The following CAPN3 variants were observed in gnomAD, a reference collection of about 807,000 sequenced individuals.
CAPN3 encodes the protein calpain-3.
A neutral mutation model predicts 114.0 loss-of-function variants in CAPN3; 88 were observed. That is an observed-to-expected ratio of 0.77 (90% confidence interval 0.65 to 0.92). CAPN3 has a LOEUF of 0.92. CAPN3 is among the 40% of genes least tolerant of loss of function. The probability of loss-of-function intolerance (pLI) is 0.00; values close to 1 mark genes in which losing one functional copy is unlikely to be tolerated. For missense variants in CAPN3, 1,028 were observed against 1,069.0 expected (o/e 0.96, Z 0.53); for synonymous variants, 386 against 382.9 (o/e 1.01, Z -0.09).
intron 1 of CAPN3, among the ~76,000 whole-genome samples, chr15:42,375,531 G>A (rs1022557600): frequency 2.0e-5 from 3 of 152,084 alleles, no homozygotes; most frequent in Non-Finnish European, 4.4e-5. Context: ...ACTGCATTTA[G>A]AGCAGGCAAG....
intron 19 of CAPN3, 146 bp downstream of exon 19, chr15:42,410,141 C>T (rs1387009108): frequency 8.7e-6 from 7 of 806,772 alleles, no homozygotes; most frequent in South Asian, 1.4e-5. Flanking sequence ...CTTGGATACT[C>T]GTCTGAAAGG....
chr15:42,365,615 C>T (rs1206169254), intron 1 of CAPN3, among the ~76,000 whole-genome samples: 1 of 152,088 alleles, frequency 6.6e-6, no homozygotes, highest in Non-Finnish European at 1.5e-5. Flanking sequence ...CCCTCAACTC[C>T]TGTCCCCACC....
Position 42,409,816 on chromosome 15 carries a change from G to A in CAPN3, c.2022G>A (p.Lys674=). ...DDMEICADEL[K]KVLNTVVNKH... ...TGGAGATCTGTGCAGATGAGCTCAA[G>A]AAGGTCCTTAACACAGTCGTGAACA... The change falls in exon 18 of 24, where the codon AAG becomes AAA. Residue 674 remains lysine, a synonymous_variant. Transcript: ENST00000397163. 1 of 1,526,354 alleles carries A rather than the reference G, an allele frequency of 6.6e-7. No homozygotes were observed. The highest frequency in any genetic ancestry group is 8.9e-7 in the Non-Finnish European group (1 of 1,128,860). 94.6% of individuals were successfully genotyped at this position (1,526,354 alleles called of 1,614,324 possible).
chr15:42,379,418 T>C (rs1488090506), intron 1 of CAPN3, among the ~76,000 whole-genome samples: 1 of 152,186 alleles, frequency 6.6e-6, no homozygotes, highest in Non-Finnish European at 1.5e-5. Context: ...TATTGTTGGA[T>C]GTAGAATTCT....
At chr15:42,383,602 ACT>A (rs1008106888) in intron 1 of CAPN3, among the ~76,000 whole-genome samples, 5 of 151,914 alleles carry the variant, frequency 3.3e-5, no homozygotes, top group Non-Finnish European at 5.9e-5. Flanking sequence ...ACACAGTGAG[ACT>A]CTGTCTCAAA....
intron 1 of CAPN3, among the ~76,000 whole-genome samples, chr15:42,376,085 C>A (rs1187186042): frequency 6.6e-6 from 1 of 152,164 alleles, no homozygotes; most frequent in Admixed American, 6.5e-5. Flanking sequence ...GGGAGGAAGA[C>A]CACAGGGTAA....
chr15:42,398,824 G>A lies in CAPN3; in HGVS notation c.1194-668G>A, dbSNP rs111451987. 2.0e-3 allele frequency among the ~76,000 whole-genome samples: 243 copies of A among 121,988 alleles called. 3 individuals carry two copies. The highest frequency in any genetic ancestry group is 7.8e-3 in the African/African-American group (234 of 29,838). The allele number at this position is 121,988 out of a possible 152,430, so 80.0% of individuals were successfully genotyped here. ...TTTTGAGACAGAGTCTCACTTTGTC[G>A]CCCAGGCTGGCATACAATGGCGCAA... On this transcript the variant is annotated intron_variant, in intron 9 of 23. Coordinates refer to ENST00000397163, the MANE Select transcript of CAPN3 (RefSeq NM_000070.3).
intron 1 of CAPN3, among the ~76,000 whole-genome samples, chr15:42,376,675 G>C (rs2053097389): frequency 6.6e-6 from 1 of 151,810 alleles, no homozygotes. Context: ...TATTGAAAAA[G>C]GTATTAGATA....
rs768848281 is a variant in CAPN3, at chr15:42,410,443, A to C, written c.2131A>C (p.Lys711Gln). Reference protein sequence around the residue: ...IALMDTDGSGKLNLQEFHHLW... With the variant: ...IALMDTDGSGQLNLQEFHHLW... ...CCTCCTCCAGACAGATGGCTCTGGA[A>C]AGCTCAACCTGCAGGAGTTCCACCA... The change falls in exon 20 of 24, where the codon AAG becomes CAG. Residue 711 changes from lysine (K) to glutamine (Q), a missense_variant. Physicochemically the swap from Lys to Gln is moderately conservative, Grantham distance 53. Coordinates refer to ENST00000397163, the MANE Select transcript of CAPN3 (RefSeq NM_000070.3). 2.5e-6 allele frequency: 4 copies of C among 1,614,118 alleles called. No individual in the cohort carries two copies. The highest frequency in any genetic ancestry group is 3.4e-6 in the Non-Finnish European group (4 of 1,179,984).
At chr15:42,397,500 C>T (rs942808181) in intron 9 of CAPN3, among the ~76,000 whole-genome samples, 4 of 151,998 alleles carry the variant, frequency 2.6e-5, no homozygotes, top group Non-Finnish European at 5.9e-5. Context: ...AAAAAGTAGC[C>T]GGGCGTGGCA....
In CAPN3 at chr15:42,408,316, TC is replaced by T; in HGVS notation, c.1910del (p.Pro637HisfsTer25). ...GKTSPDKQKQ[S>X]PQPQPGSSDQ... ...AACAAGCCCTGATAAGCAAAAGCAG[TC>T]CCCACAGGTGTCTGGGCATGTGGCA... On this transcript the variant is annotated frameshift_variant, in exon 16 of 24. Transcript: ENST00000397163. LOFTEE classifies it high-confidence loss of function. The T allele has an allele frequency of 3.1e-6, 5 of 1,609,736 alleles. No homozygotes were observed. The highest frequency in any genetic ancestry group is 4.3e-6 in the Non-Finnish European group (5 of 1,176,226).
At chr15:42,404,609 G>A (rs1374241803) in intron 14 of CAPN3, among the ~76,000 whole-genome samples, 1 of 152,238 alleles carries the variant, frequency 6.6e-6, no homozygotes, top group African/African-American at 2.4e-5. Flanking sequence ...CCCAAAGTCC[G>A]AAGCACAGAG....
chr15:42,380,746 TATA>T (rs1566972296), intron 1 of CAPN3, among the ~76,000 whole-genome samples: 7 of 57,410 alleles, frequency 1.2e-4, no homozygotes, highest in South Asian at 7.8e-4. Context: ...TATATATATA[TATA>T]TATTTTTTTT....
intron 9 of CAPN3, among the ~76,000 whole-genome samples, chr15:42,397,364 G>A (rs187582737): frequency 2.6e-5 from 4 of 152,294 alleles, no homozygotes; most frequent in Non-Finnish European, 5.9e-5. Context: ...TGCTTAAGCC[G>A]GGCGCGGTGG....
intron 17 of CAPN3, 74 bp downstream of exon 17, chr15:42,409,454 A>C (rs2054136436): frequency 2.9e-6 from 4 of 1,370,304 alleles, no homozygotes; most frequent in Middle Eastern, 1.8e-4. Flanking sequence ...ATTACCAATT[A>C]TTTCATTATT....
chr15:42,393,260 C>T (rs549106636), intron 7 of CAPN3, among the ~76,000 whole-genome samples: 1 of 152,176 alleles, frequency 6.6e-6, no homozygotes, highest in Non-Finnish European at 1.5e-5. Context: ...AGTTATTGCA[C>T]TGCATTGGGT....
intron 14 of CAPN3, chr15:42,404,519 A>G (rs2053965513): frequency 6.6e-6 from 3 of 453,328 alleles, no homozygotes; most frequent in Non-Finnish European, 1.3e-5. Context: ...GCAGGGTTGG[A>G]ACTCACATTC....
intron 7 of CAPN3, among the ~76,000 whole-genome samples, chr15:42,393,498 A>AG: frequency 6.6e-6 from 1 of 152,068 alleles, no homozygotes; most frequent in East Asian, 1.9e-4. Flanking sequence ...ATGGGCTGAG[A>AG]GGGGCAGTTG....
Position 42,409,831 on chromosome 15 carries a change from A to T in CAPN3, c.2037A>T (p.Thr679=), listed in dbSNP as rs747774620. The change falls in exon 18 of 24, where the codon ACA becomes ACT. Residue 679 remains threonine (T), a synonymous_variant. Coordinates refer to ENST00000397163, the MANE Select transcript of CAPN3 (RefSeq NM_000070.3). ...ATGAGCTCAAGAAGGTCCTTAACAC[A>T]GTCGTGAACAAACGTGAGTTGCTCA... is the stretch of plus-strand genomic sequence containing the variant. The part of the protein sequence containing the change: ...CADELKKVLN[T]VVNKHKDLKT... 1.6e-5 allele frequency: 22 copies of T among 1,418,774 alleles called. No homozygotes were observed. Among genetic ancestry groups the T allele is most frequent in the Non-Finnish European group, 2.1e-5 (22 of 1,063,998 alleles). 87.9% of individuals were successfully genotyped at this position (1,418,774 alleles called of 1,614,324 possible).
Sources: gnomAD v4.1 joint callset for allele counts (sites outside exome capture counted in the v4.1 genomes callset) on GRCh38, gnomAD v4.1.1 for gene constraint, MANE v1.5 for transcripts, NCBI Gene and HGNC (gene_info 2026-07-23, HGNC 2026-07-21) for gene names.